The following CCDC33 variants were observed in gnomAD, a reference collection of about 807,000 sequenced individuals.
The protein encoded by CCDC33 is coiled-coil domain-containing protein 33.
CCDC33 carries 94 observed loss-of-function variants against 91.9 expected under a neutral mutation model. The ratio of observed to expected loss-of-function variants is 1.02; its 90% CI spans 0.87 to 1.21. The LOEUF is 1.21. Ranked by LOEUF, CCDC33 falls within the 50% of genes most tolerant of loss-of-function variation. The pLI, the probability that CCDC33 is intolerant of heterozygous loss-of-function variation, is 0.00. For synonymous variants in CCDC33, 396 were observed against 374.5 expected (o/e 1.06, Z -0.66); for missense variants, 940 against 935.5 (o/e 1.00, Z -0.06).
At chr15:74,301,436 A>G (rs1176059034) in intron 11 of CCDC33, 1 of 152,252 alleles carries the variant, frequency 6.6e-6, no homozygotes, top group East Asian at 1.9e-4. Context: ...GAGGCCAAGG[A>G]CCTCAGCTCT....
At chr15:74,272,347 C>T (rs1039235717) in intron 6 of CCDC33, among the ~76,000 whole-genome samples, 2 of 152,240 alleles carry the variant, frequency 1.3e-5, no homozygotes, top group Non-Finnish European at 2.9e-5. Flanking sequence ...ATCCCCTCCT[C>T]CCCTAGACCT....
chr15:74,265,645 A>G (rs2076146639), intron 3 of CCDC33, among the ~76,000 whole-genome samples: 1 of 152,224 alleles, frequency 6.6e-6, no homozygotes, highest in East Asian at 1.9e-4. Context: ...CCTGGCACAT[A>G]GTAGATACTC....
At chr15:74,284,493 A>ATCGC (rs1366325263) in intron 10 of CCDC33, among the ~76,000 whole-genome samples, 3 of 152,202 alleles carry the variant, frequency 2.0e-5, no homozygotes, top group Non-Finnish European at 4.4e-5. Flanking sequence ...CTGCAATACC[A>ATCGC]TCATTGTTCT....
chr15:74,265,721 GTTC>G (rs1263072946), intron 3 of CCDC33, among the ~76,000 whole-genome samples: 11 of 152,218 alleles, frequency 7.2e-5, no homozygotes, highest in African/African-American at 2.4e-4. Context: ...GGACATTGGT[GTTC>G]TTCTTAAAGT....
intron 10 of CCDC33, among the ~76,000 whole-genome samples, chr15:74,284,029 T>G (rs1429881604): frequency 6.6e-6 from 1 of 152,236 alleles, no homozygotes; most frequent in Non-Finnish European, 1.5e-5. Context: ...AACTATTTCT[T>G]GGTAAACTAT....
At position 74,327,210 on chromosome 15, in the gene CCDC33, G is replaced by A. The variant is rs192204381; in HGVS notation, c.1291-2979G>A. On this transcript the variant is annotated intron_variant, in intron 11 of 18. Transcript: ENST00000398814. ...GTGGAGGCCTATAGGACTAGTCTCC[G>A]AGGAGTGGAGTCCAGCAGGGACCGT... Among the ~76,000 whole-genome samples the A allele has an allele frequency of 4.2e-3, 647 of 152,256 alleles. 6 individuals carry two copies. The highest frequency in any genetic ancestry group is 0.015 in the African/African-American group (614 of 41,540).
rs149397666 is a variant in CCDC33 at position 74,258,383 on chromosome 15, C to T, written c.186-4057C>T. On this transcript the variant is annotated intron_variant, in intron 2 of 18. Transcript: ENST00000398814. The stretch of plus-strand genomic sequence containing the variant: ...GATTGGCACTCAAAACAAACCAGGC[C>T]GCCTGTGCCCCAGCTTCTAAAGCTC... Among the ~76,000 whole-genome samples the T allele has an allele frequency of 6.4e-4, 98 of 152,310 alleles. 1 individual carries two copies. The highest frequency in any genetic ancestry group is 4.2e-4 in the South Asian group (2 of 4,818).
intron 11 of CCDC33, chr15:74,303,397 A>T (rs956010768): frequency 8.1e-6 from 1 of 123,980 alleles, no homozygotes; most frequent in East Asian, 2.3e-4. Flanking sequence ...CTGAGGAACT[A>T]CAAGAGAAAC....
At chr15:74,304,964 G>A (rs1206066469) in intron 11 of CCDC33, among the ~76,000 whole-genome samples, 1 of 147,614 alleles carries the variant, frequency 6.8e-6, no homozygotes, top group African/African-American at 2.5e-5. Flanking sequence ...TTTTTTTTTA[G>A]ACAGAGTCTT....
At chr15:74,317,593 A>G (rs144114316) in intron 11 of CCDC33, among the ~76,000 whole-genome samples, 121 of 152,312 alleles carry the variant, frequency 7.9e-4, no homozygotes, top group African/African-American at 2.9e-3. Context: ...TGAGGCCCCA[A>G]AGAACACTGT....
At chr15:74,268,080 A>G (rs2076214580) in intron 4 of CCDC33, among the ~76,000 whole-genome samples, 1 of 152,194 alleles carries the variant, frequency 6.6e-6, no homozygotes, top group South Asian at 2.1e-4. Context: ...CTTACAACCC[A>G]GGCCTTGTTA....
intron 10 of CCDC33, among the ~76,000 whole-genome samples, chr15:74,286,213 T>A (rs567588553): frequency 2.0e-5 from 3 of 152,154 alleles, no homozygotes; most frequent in African/African-American, 7.2e-5. Context: ...GCCACTGCAC[T>A]CCAGCCTGGA....
chr15:74,245,991 A>G (rs914756955), intron 2 of CCDC33, among the ~76,000 whole-genome samples: 2 of 152,200 alleles, frequency 1.3e-5, no homozygotes, highest in Non-Finnish European at 2.9e-5. Context: ...GCTCACCCCC[A>G]GCCCCAGGCA....
chr15:74,247,805 G>C (rs567638530), intron 2 of CCDC33, among the ~76,000 whole-genome samples: 1 of 152,104 alleles, frequency 6.6e-6, no homozygotes, highest in Non-Finnish European at 1.5e-5. Context: ...GGCTGGGCAC[G>C]GTGGCTCATG....
intron 7 of CCDC33, among the ~76,000 whole-genome samples, chr15:74,276,866 G>A (rs1190819089): frequency 1.3e-5 from 2 of 152,202 alleles, no homozygotes; most frequent in African/African-American, 4.8e-5. Context: ...CCTGAGGAAT[G>A]GGGTCAGAAG....
intron 10 of CCDC33, among the ~76,000 whole-genome samples, chr15:74,282,080 A>C (rs2059378865): frequency 1.3e-5 from 2 of 152,208 alleles, no homozygotes; most frequent in Non-Finnish European, 2.9e-5. Context: ...TCAGCCTCTG[A>C]CCAAGCCCAA....
chr15:74,268,182 C>G (rs1004649980), intron 4 of CCDC33, among the ~76,000 whole-genome samples, 160 bp from the exon 5 acceptor site: 2 of 152,204 alleles, frequency 1.3e-5, no homozygotes, highest in Non-Finnish European at 2.9e-5. Context: ...ATATTGATCT[C>G]CTTGGAAGGG....
At chr15:74,301,772 A>G (rs1214654865) in intron 11 of CCDC33, 3 of 152,148 alleles carry the variant, frequency 2.0e-5, no homozygotes, top group Admixed American at 6.5e-5. Context: ...TGTTGTTTCC[A>G]GCACAGAAAT....
chr15:74,242,892 C>T (rs780917255), intron 1 of CCDC33, among the ~76,000 whole-genome samples: 13 of 152,308 alleles, frequency 8.5e-5, no homozygotes, highest in African/African-American at 2.6e-4. Flanking sequence ...TGCCCCTTCC[C>T]GCTTGCTGCC....
Sources: gnomAD v4.1 joint callset for allele counts (sites outside exome capture counted in the v4.1 genomes callset) on GRCh38, gnomAD v4.1.1 for gene constraint, MANE v1.5 for transcripts, NCBI Gene and HGNC (gene_info 2026-07-23, HGNC 2026-07-21) for gene names.